EPHA6: variants seen among roughly 807,000 people sequenced by gnomAD.
EPHA6 encodes EPH receptor A6.
A neutral mutation model predicts 112.0 loss-of-function variants in EPHA6; 50 were observed. The ratio of observed to expected loss-of-function variants is 0.45; its 90% CI spans 0.36 to 0.56. EPHA6 has a LOEUF of 0.56. Ranked by LOEUF, EPHA6 falls within the 20% of genes least tolerant of loss-of-function variation. EPHA6 has a pLI of 0.00. For missense variants in EPHA6, 1,280 were observed against 1,417.4 expected, an observed-to-expected ratio of 0.90 and a Z score of 1.56; for synonymous variants, 529 against 490.7, an observed-to-expected ratio of 1.08 and a Z score of -1.03.
At chr3:97,580,287 C>T (rs1013212452) in intron 11 of EPHA6, among the ~76,000 whole-genome samples, 14 of 152,168 alleles carry the variant, frequency 9.2e-5, no homozygotes, top group African/African-American at 2.9e-4. Context: ...ATTCACCACC[C>T]CTAGTGGAAC....
intron 4 of EPHA6, among the ~76,000 whole-genome samples, chr3:97,227,058 TA>T (rs1269988347): frequency 6.6e-6 from 1 of 152,148 alleles, no homozygotes; most frequent in Non-Finnish European, 1.5e-5. Context: ...TAAAATATTG[TA>T]AAATATCAGT....
At chr3:97,161,386 C>T (rs988349434) in intron 3 of EPHA6, among the ~76,000 whole-genome samples, 3 of 152,192 alleles carry the variant, frequency 2.0e-5, no homozygotes, top group Non-Finnish European at 4.4e-5. Flanking sequence ...ACAGCTTCCA[C>T]TACCACTACC....
chr3:96,851,834 G>GA (rs1303156276), intron 1 of EPHA6, among the ~76,000 whole-genome samples: 25 of 149,932 alleles, frequency 1.7e-4, no homozygotes, highest in South Asian at 1.1e-3. Context: ...GGAATGGTGA[G>GA]AAAAAAAAAC....
chr3:97,555,718 G>C (rs1426874058), intron 11 of EPHA6, among the ~76,000 whole-genome samples: 3 of 151,984 alleles, frequency 2.0e-5, no homozygotes, highest in Non-Finnish European at 2.9e-5. Context: ...GGCTGCATAA[G>C]TGTCTTCTTT....
At chr3:97,286,352 G>C (rs80050679) in intron 5 of EPHA6, among the ~76,000 whole-genome samples, 2,402 of 152,134 alleles carry the variant, frequency 0.016, 41 homozygotes, top group Non-Finnish European at 0.023. Flanking sequence ...TTTTCTCCTA[G>C]TATTTGTATA....
intron 5 of EPHA6, among the ~76,000 whole-genome samples, chr3:97,328,886 T>G (rs972052322): frequency 1.8e-4 from 28 of 152,148 alleles, no homozygotes; most frequent in African/African-American, 6.8e-4. Context: ...TACATATGTA[T>G]GCATGTGCCA....
chr3:97,284,148 T>G (rs1248622442), intron 5 of EPHA6, among the ~76,000 whole-genome samples: 2 of 152,134 alleles, frequency 1.3e-5, no homozygotes, highest in African/African-American at 4.8e-5. Context: ...TTTAAAGAAA[T>G]CTATTTAAAG....
In EPHA6 at chr3:97,748,767, C is replaced by T; in HGVS notation, c.*66C>T. 3 of 796,402 alleles carry T rather than the reference C, an allele frequency of 3.8e-6. No homozygotes were observed. Among genetic ancestry groups the T allele is most frequent in the African/African-American group, 1.7e-5 (1 of 58,408 alleles). 49.3% of individuals were successfully genotyped at this position (796,402 alleles called of 1,614,324 possible). A position where few individuals can be genotyped will look rare whatever the true frequency, so the allele number is the denominator to read the frequency against. Reference sequence around the variant, plus strand: ...AAAATGAACGATATCCTCTCTACTACTCTCTCTTCTGATTCTCCAAACATC... The same window carrying T: ...AAAATGAACGATATCCTCTCTACTATTCTCTCTTCTGATTCTCCAAACATC... On this transcript the variant is annotated 3_prime_UTR_variant, in exon 18 of 18. Coordinates refer to ENST00000389672, the MANE Select transcript of EPHA6 (RefSeq NM_001080448.3).
intron 14 of EPHA6, among the ~76,000 whole-genome samples, chr3:97,653,846 A>G (rs1436374175): frequency 6.6e-6 from 1 of 151,968 alleles, no homozygotes; most frequent in Non-Finnish European, 1.5e-5. Context: ...TGCAAAACAT[A>G]GATGAACGTA....
chr3:97,526,630 G>C (rs2092624616), intron 10 of EPHA6, among the ~76,000 whole-genome samples: 1 of 152,084 alleles, frequency 6.6e-6, no homozygotes, highest in Non-Finnish European at 1.5e-5. Flanking sequence ...ATCTCTAGCA[G>C]TTCCTTGCAT....
chr3:97,437,590 C>A (rs1248840563), intron 6 of EPHA6, among the ~76,000 whole-genome samples: 2 of 152,072 alleles, frequency 1.3e-5, no homozygotes, highest in Admixed American at 1.3e-4. Context: ...AATACTTGAC[C>A]TAAACTACTG....
At chr3:97,448,031 G>A (rs1379657469) in intron 6 of EPHA6, among the ~76,000 whole-genome samples, 1 of 151,962 alleles carries the variant, frequency 6.6e-6, no homozygotes, top group Non-Finnish European at 1.5e-5. Context: ...TTACTACTGG[G>A]GAAACACTGA....
At chr3:97,676,666 C>A (rs1262996845) in intron 14 of EPHA6, among the ~76,000 whole-genome samples, 1 of 152,038 alleles carries the variant, frequency 6.6e-6, no homozygotes, top group Non-Finnish European at 1.5e-5. Flanking sequence ...GAAATTATAT[C>A]CTTGAGTAGA....
intron 3 of EPHA6, among the ~76,000 whole-genome samples, chr3:97,013,827 A>G (rs1238994070): frequency 1.3e-5 from 2 of 152,178 alleles, no homozygotes; most frequent in Non-Finnish European, 1.5e-5. Context: ...AATAATAGTT[A>G]TATTCAAATT....
chr3:97,058,991 G>C (rs762745), intron 3 of EPHA6, among the ~76,000 whole-genome samples: 17,927 of 152,088 alleles, frequency 0.12, 1,162 homozygotes, highest in Middle Eastern at 0.17. Context: ...ATGGAGGAGT[G>C]GGGGGACGCA....
chr3:97,417,286 C>G (rs1050969093), intron 6 of EPHA6, among the ~76,000 whole-genome samples: 1 of 152,078 alleles, frequency 6.6e-6, no homozygotes. Context: ...GGGAATATAT[C>G]TGATGTATCT....
At chr3:97,290,609 G>A (rs2080644629) in intron 5 of EPHA6, among the ~76,000 whole-genome samples, 1 of 151,956 alleles carries the variant, frequency 6.6e-6, no homozygotes, top group African/African-American at 2.4e-5. Context: ...ATTCAATCTT[G>A]GTTGGTTGTG....
At chr3:97,106,736 A>G (rs1318084771) in intron 3 of EPHA6, among the ~76,000 whole-genome samples, 1 of 152,134 alleles carries the variant, frequency 6.6e-6, no homozygotes, top group Non-Finnish European at 1.5e-5. Context: ...GCACCCTGTA[A>G]CACAGGCTCA....
At chr3:96,986,882 A>G (rs566241561) in intron 2 of EPHA6, among the ~76,000 whole-genome samples, 1 of 152,304 alleles carries the variant, frequency 6.6e-6, no homozygotes, top group Non-Finnish European at 1.5e-5. Context: ...TTTGTGGCAA[A>G]TTGGATATAA....
Sources: gnomAD v4.1 joint callset for allele counts (sites outside exome capture counted in the v4.1 genomes callset) on GRCh38, gnomAD v4.1.1 for gene constraint, MANE v1.5 for transcripts, NCBI Gene and HGNC (gene_info 2026-07-23, HGNC 2026-07-21) for gene names.